IQGAP2: variants seen among roughly 807,000 people sequenced by gnomAD.
IQGAP2 encodes the protein ras GTPase-activating-like protein IQGAP2.
A neutral mutation model predicts 201.3 loss-of-function variants in IQGAP2; 173 were observed. The observed-to-expected ratio is 0.86, with a 90% CI of 0.76 to 0.98. The LOEUF is 0.98. Among genes scored for constraint, IQGAP2 ranks in the 50% least tolerant of loss-of-function variants. The pLI is 0.00. For missense variants in IQGAP2, 1,687 were observed against 1,864.8 expected, an observed-to-expected ratio of 0.90 and a Z score of 1.76; for synonymous variants, 675 against 673.9, an observed-to-expected ratio of 1.00 and a Z score of -0.03.
At chr5:76,579,133 C>T (rs1167351173) in intron 5 of IQGAP2, among the ~76,000 whole-genome samples, 8 of 152,066 alleles carry the variant, frequency 5.3e-5, no homozygotes, top group Non-Finnish European at 1.2e-4. Flanking sequence ...TGCCCAGGTA[C>T]GTTATTACAA....
At chr5:76,439,981 C>T (rs1319182433) in intron 1 of IQGAP2, among the ~76,000 whole-genome samples, 1 of 152,140 alleles carries the variant, frequency 6.6e-6, no homozygotes, top group East Asian at 1.9e-4. Context: ...TTTTATTCTG[C>T]TGCATATTGA....
chr5:76,597,463 A>G lies in IQGAP2; in HGVS notation c.932A>G (p.Asn311Ser), dbSNP rs371271172. The change falls in exon 10 of 36, where the codon AAT (asparagine) becomes AGT (serine). Residue 311 changes from asparagine (N) to serine (S), a missense_variant. Asn to Ser is a conservative substitution (Grantham distance 46, BLOSUM62 1). Coordinates refer to ENST00000274364, the MANE Select transcript of IQGAP2 (RefSeq NM_006633.5). ...GGGCAGGCTGCAGTGGACCATATCA[A>G]TGCTGTCATTCCGGAAGGTGACCCC... is the stretch of plus-strand genomic sequence containing the variant. ...VNRQAAVDHI[N>S]AVIPEGDPEN... The G allele has an allele frequency of 3.7e-6, 6 of 1,614,000 alleles. No individual in the cohort carries two copies. The highest frequency in any genetic ancestry group is 3.4e-6 in the Non-Finnish European group (4 of 1,179,970).
chr5:76,520,700 CTTTTTTTTTTT>C (rs5868829), intron 2 of IQGAP2, among the ~76,000 whole-genome samples: 10 of 109,220 alleles, frequency 9.2e-5, no homozygotes, highest in African/African-American at 1.8e-4. Context: ...GGTCTCTCCT[CTTTTTTTTTTT>C]TTTTTTTTTT....
intron 5 of IQGAP2, among the ~76,000 whole-genome samples, chr5:76,581,380 G>GTTCTT (rs1231396572): frequency 6.6e-6 from 1 of 152,162 alleles, no homozygotes; most frequent in Non-Finnish European, 1.5e-5. Flanking sequence ...TAGCTCAAAG[G>GTTCTT]ACAGGCTCTA....
intron 1 of IQGAP2, among the ~76,000 whole-genome samples, chr5:76,426,931 T>TGTGTGTGTGTGA (rs1437229439): frequency 1.3e-5 from 2 of 151,824 alleles, no homozygotes; most frequent in Admixed American, 6.6e-5. Flanking sequence ...TGTGTGTGTG[T>TGTGTGTGTGTGA]GTGTGAGTGT....
chr5:76,612,994 G>A (rs1374311529), intron 13 of IQGAP2, among the ~76,000 whole-genome samples: 2 of 152,200 alleles, frequency 1.3e-5, no homozygotes, highest in African/African-American at 4.8e-5. Context: ...GTGGAGAAAT[G>A]TATCCCCCAT....
At chr5:76,578,853 C>T (rs1036806553) in intron 5 of IQGAP2, among the ~76,000 whole-genome samples, 2 of 151,526 alleles carry the variant, frequency 1.3e-5, no homozygotes, top group Non-Finnish European at 2.9e-5. Context: ...AAAGCCTCTG[C>T]CTTGAAAAGG....
chr5:76,552,325 G>T (rs1743616017), intron 2 of IQGAP2, among the ~76,000 whole-genome samples: 1 of 152,198 alleles, frequency 6.6e-6, no homozygotes. Context: ...TTTAGGGAGT[G>T]ATTGTCCAGT....
chr5:76,641,073 T>C lies in IQGAP2; in HGVS notation c.2064T>C (p.His688=), dbSNP rs1419044570. ...TTGAAGCTAGAAAATCATTTTTGCA[T>C]GAACAAGAAGAGAATGTGGTCAAAA... is the stretch of plus-strand genomic sequence containing the variant. ...EEFEARKSFL[H]EQEENVVKIQ... The change falls in exon 17 of 36, where the codon CAT becomes CAC. Residue 688 remains histidine, a synonymous_variant. Coordinates refer to ENST00000274364, the MANE Select transcript of IQGAP2 (RefSeq NM_006633.5). 3.1e-6 allele frequency: 5 copies of C among 1,607,346 alleles called. No homozygotes were observed. Among genetic ancestry groups the C allele is most frequent in the Non-Finnish European group, 4.3e-6 (5 of 1,174,640 alleles).
Position 76,403,627 on chromosome 5 carries a change from T to C in IQGAP2, c.46+36T>C. On this transcript the variant is annotated intron_variant, in intron 1 of 35. Coordinates refer to ENST00000274364, the MANE Select transcript of IQGAP2 (RefSeq NM_006633.5). The surrounding 1 kb of genome is among the most constrained non-coding windows in gnomAD (Gnocchi z 4.8). ...CGGGCGCGCGGGGTTCCTGCTGGCC[T>C]TGGGGAGCTCCCTCCCCGAGGACGG... The C allele has an allele frequency of 1.4e-6, 2 of 1,478,998 alleles. No homozygotes were observed. Among genetic ancestry groups the C allele is most frequent in the Non-Finnish European group, 1.8e-6 (2 of 1,114,408 alleles). 91.6% of individuals were successfully genotyped at this position (1,478,998 alleles called of 1,614,324 possible).
intron 2 of IQGAP2, among the ~76,000 whole-genome samples, chr5:76,483,221 G>A (rs955223513): frequency 6.6e-6 from 1 of 152,140 alleles, no homozygotes; most frequent in Non-Finnish European, 1.5e-5. Flanking sequence ...GGTTTATGCA[G>A]GGAAGAATAA....
At position 76,575,775 on chromosome 5, in the gene IQGAP2, G is replaced by C; in HGVS notation, c.458+6G>C. ...TATTGCATTCACGCACTGAGGTAGGGGGAAAATGCAGCTAAAAGGTGCTCT... is the reference window on the plus strand; with the variant it reads ...TATTGCATTCACGCACTGAGGTAGGCGGAAAATGCAGCTAAAAGGTGCTCT... On this transcript the variant is annotated splice_donor_region_variant and intron_variant, in intron 5 of 35. Transcript: ENST00000274364. 1 of 1,527,482 alleles carries C rather than the reference G, an allele frequency of 6.5e-7. No individual in the cohort carries two copies. Among genetic ancestry groups the C allele is most frequent in the East Asian group, 2.4e-5 (1 of 42,314 alleles). 94.6% of individuals were successfully genotyped at this position (1,527,482 alleles called of 1,614,324 possible).
At chr5:76,480,923 TG>T (rs1444973542) in intron 2 of IQGAP2, among the ~76,000 whole-genome samples, 5 of 152,192 alleles carry the variant, frequency 3.3e-5, no homozygotes, top group Non-Finnish European at 5.9e-5. Flanking sequence ...CTGGTGGGTT[TG>T]GTGTCCCATA....
At chr5:76,494,222 C>T (rs1209120649) in intron 2 of IQGAP2, among the ~76,000 whole-genome samples, 1 of 152,104 alleles carries the variant, frequency 6.6e-6, no homozygotes, top group Non-Finnish European at 1.5e-5. Flanking sequence ...GACGTATTTT[C>T]TCTTTGAAAT....
chr5:76,644,159 ACTT>A (rs1227717222), intron 17 of IQGAP2, among the ~76,000 whole-genome samples: 1 of 152,074 alleles, frequency 6.6e-6, no homozygotes, highest in African/African-American at 2.4e-5. Flanking sequence ...GTTTTGACAG[ACTT>A]CTTTTATACA....
intron 17 of IQGAP2, among the ~76,000 whole-genome samples, chr5:76,644,590 A>C (rs1490258116): frequency 1.3e-5 from 2 of 151,946 alleles, no homozygotes; most frequent in Non-Finnish European, 2.9e-5. Flanking sequence ...ATAAGCCACC[A>C]CACCTGGCCT....
At chr5:76,550,940 G>GC (rs1258153558) in intron 2 of IQGAP2, among the ~76,000 whole-genome samples, 1 of 151,064 alleles carries the variant, frequency 6.6e-6, no homozygotes, top group Non-Finnish European at 1.5e-5. Context: ...AGGCAGAGGC[G>GC]CCCCTCACCT....
At position 76,673,993 on chromosome 5, in the gene IQGAP2, T is replaced by C. The variant is rs1744584244; in HGVS notation, c.3251T>C (p.Ile1084Thr). ...ATAGCCAAAGTACTGAAGAATTCGA[T>C]CCATGAGAAATTCCCCGATGCAACA... ...RYIAKVLKNSIHEKFPDATED... is the reference protein window; with the variant it reads ...RYIAKVLKNSTHEKFPDATED... Residue 1084 changes from isoleucine (I) to threonine (T), a missense_variant, in exon 26 of 36, where the codon ATC becomes ACC. By Grantham distance (89) the Ile-to-Thr change is moderately conservative (BLOSUM62 -1). Coordinates refer to ENST00000274364, the MANE Select transcript of IQGAP2 (RefSeq NM_006633.5). 4 of 1,609,368 alleles carry C rather than the reference T, an allele frequency of 2.5e-6. No individual in the cohort carries two copies. Among genetic ancestry groups the C allele is most frequent in the Non-Finnish European group, 2.6e-6 (3 of 1,175,850 alleles).
At chr5:76,570,812 A>T (rs1303082324) in intron 4 of IQGAP2, among the ~76,000 whole-genome samples, 155 bp downstream of exon 4, 1 of 152,248 alleles carries the variant, frequency 6.6e-6, no homozygotes, top group Non-Finnish European at 1.5e-5. Flanking sequence ...CCAAAGTAAC[A>T]TATGGCAAGA....
Sources: gnomAD v4.1 joint callset for allele counts (sites outside exome capture counted in the v4.1 genomes callset) on GRCh38, gnomAD v4.1.1 for gene constraint, Gnocchi (gnomAD v3.1) non-coding constraint, MANE v1.5 for transcripts, NCBI Gene and HGNC (gene_info 2026-07-23, HGNC 2026-07-21) for gene names.